The following FRMD6 variants were observed in gnomAD, a reference collection of about 807,000 sequenced individuals.
FRMD6 encodes FERM domain-containing protein 6.
Under a neutral mutation model 73.2 loss-of-function variants are expected in FRMD6, and 37 were observed. The observed-to-expected ratio is 0.51, with a 90% confidence interval of 0.39 to 0.66. FRMD6 has a LOEUF of 0.66. Ranked by LOEUF, FRMD6 falls within the 30% of genes least tolerant of loss-of-function variation. The pLI is 0.00. For missense variants in FRMD6, 714 were observed against 780.5 expected (o/e 0.91, Z 1.02); for synonymous variants, 273 against 282.2 (o/e 0.97, Z 0.33).
chr14:51,669,066 T>C (rs992525102), intron 1 of FRMD6, among the ~76,000 whole-genome samples: 1 of 152,248 alleles, frequency 6.6e-6, no homozygotes, highest in Non-Finnish European at 1.5e-5. Flanking sequence ...TATATCATCA[T>C]GTAACCAGCA....
intron 2 of FRMD6, chr14:51,637,730 T>A (rs1891636899): frequency 6.6e-6 from 1 of 152,162 alleles, no homozygotes; most frequent in Non-Finnish European, 1.5e-5. Context: ...AAGGATTTCA[T>A]TATAAAGTAG....
intron 5 of FRMD6, 67 bp downstream of exon 5, chr14:51,702,655 A>ACTTATTTGG: frequency 8.3e-7 from 1 of 1,210,646 alleles, no homozygotes; most frequent in Non-Finnish European, 1.2e-6. Flanking sequence ...AACATACCAA[A>ACTTATTTGG]TAAGTTACGT....
At chr14:51,427,699 A>G in the FRMD6 span, among the ~76,000 whole-genome samples, 1,848 of 152,340 alleles carry the variant, frequency 0.012, 48 homozygotes, top group African/African-American at 0.042. Flanking sequence ...AGATGTGAAC[A>G]TAAGTGAGCA....
At chr14:51,586,398 G>A (rs756259264) in intron 2 of FRMD6, among the ~76,000 whole-genome samples, 3 of 152,140 alleles carry the variant, frequency 2.0e-5, no homozygotes, top group Admixed American at 1.3e-4. Flanking sequence ...AAAAATGCCT[G>A]TTGATATCCT....
At chr14:51,587,443 G>A (rs1329917480) in intron 2 of FRMD6, among the ~76,000 whole-genome samples, 2 of 152,176 alleles carry the variant, frequency 1.3e-5, no homozygotes, top group African/African-American at 2.4e-5. Context: ...GTATGGCCGC[G>A]GTGGCTGGTG....
chr14:51,727,105 C>T (rs1898008305), intron 13 of FRMD6, among the ~76,000 whole-genome samples: 2 of 151,932 alleles, frequency 1.3e-5, no homozygotes, highest in Non-Finnish European at 1.5e-5. Context: ...GGAACTTAGT[C>T]CTGGTGCCTG....
chr14:51,525,618 A>G (rs1325054923), intron 1 of FRMD6, among the ~76,000 whole-genome samples: 1 of 152,028 alleles, frequency 6.6e-6, no homozygotes, highest in African/African-American at 2.4e-5. Context: ...AAGATGTTAT[A>G]CTTTTCACTG....
chr14:51,721,725 AGGAAGGGAGGGAGGAAGGAAGGG>A (rs1897598353), intron 11 of FRMD6, among the ~76,000 whole-genome samples: 2 of 129,886 alleles, frequency 1.5e-5, no homozygotes, highest in Non-Finnish European at 1.6e-5. Context: ...GAAGGGAGGG[AGGAAGGGAGGGAGGAAGGAAGGG>A]AGGAAGGAAG....
intron 1 of FRMD6, among the ~76,000 whole-genome samples, chr14:51,531,485 C>T (rs924377140): frequency 1.3e-5 from 2 of 152,114 alleles, no homozygotes; most frequent in Non-Finnish European, 2.9e-5. Flanking sequence ...CAACTAAATG[C>T]AATTTGGGAC....
At chr14:51,560,533 G>A (rs1416881093) in intron 1 of FRMD6, among the ~76,000 whole-genome samples, 4 of 152,184 alleles carry the variant, frequency 2.6e-5, no homozygotes, top group Admixed American at 6.5e-5. Flanking sequence ...TGCCCAGGCT[G>A]GTGTGCAATA....
At position 51,725,848 on chromosome 14, in the gene FRMD6, A is replaced by G. The variant is rs1897922474; in HGVS notation, c.1562A>G (p.Gln521Arg). Reference sequence around the variant, plus strand: ...GAAACAGTTGTTAAGCTTCGTGGCCAGAGTACTGATTCTCTTCCACAGGTA... The same window carrying G: ...GAAACAGTTGTTAAGCTTCGTGGCCGGAGTACTGATTCTCTTCCACAGGTA... The part of the protein sequence containing the change: ...SSETVVKLRG[Q>R]STDSLPQTIC... The change falls in exon 13 of 14, where the codon CAG becomes CGG. Residue 521 changes from glutamine (Q) to arginine (R), a missense_variant. Physicochemically the swap from Gln to Arg is conservative, Grantham distance 43. Coordinates refer to ENST00000344768, the MANE Select transcript of FRMD6 (RefSeq NM_001267046.2). 3 of 1,613,344 alleles carry G rather than the reference A, an allele frequency of 1.9e-6. No individual in the cohort carries two copies. Among genetic ancestry groups the G allele is most frequent in the Admixed American group, 3.3e-5 (2 of 59,998 alleles).
At position 51,696,985 on chromosome 14, in the gene FRMD6, A is replaced by T. The variant is rs960496407; in HGVS notation, c.100-1157A>T. Among the ~76,000 whole-genome samples, 3 of 152,202 alleles carry T rather than the reference A, an allele frequency of 2.0e-5. No homozygotes were observed. In the East Asian group the frequency reaches 5.8e-4, roughly 29 times the overall value. On this transcript the variant is annotated intron_variant, in intron 2 of 13. Coordinates refer to ENST00000344768, the MANE Select transcript of FRMD6 (RefSeq NM_001267046.2). ...AATGTGACATCTCACACCTGTTAGAATGGCTATTATCAAAAAGACAAAAGA... is the reference window on the plus strand; with the variant it reads ...AATGTGACATCTCACACCTGTTAGATTGGCTATTATCAAAAAGACAAAAGA...
At chr14:51,531,118 G>A (rs1885559290) in intron 1 of FRMD6, among the ~76,000 whole-genome samples, 1 of 152,144 alleles carries the variant, frequency 6.6e-6, no homozygotes. Flanking sequence ...GAGCCTTCAT[G>A]ACCTCACCTC....
chr14:51,562,935 C>T (rs1028485111), intron 1 of FRMD6, among the ~76,000 whole-genome samples: 8 of 152,180 alleles, frequency 5.3e-5, no homozygotes, highest in Admixed American at 1.3e-4. Context: ...CTTTGCACAA[C>T]GTCTGGGACC....
chr14:51,482,579 A>G, the FRMD6 span, among the ~76,000 whole-genome samples: 56 of 152,326 alleles, frequency 3.7e-4, 2 homozygotes, highest in East Asian at 0.01. Context: ...AAAAATTCTT[A>G]AAGTGGGAGA....
chr14:51,488,437 G>A (rs1882827264), upstream of FRMD6, among the ~76,000 whole-genome samples: 4 of 152,218 alleles, frequency 2.6e-5, no homozygotes, highest in Admixed American at 2.6e-4. Flanking sequence ...TTGGAAATCA[G>A]TTTAAGGGAT....
At position 51,708,707 on chromosome 14, in the gene FRMD6, GT is replaced by G. The variant is rs34563001; in HGVS notation, c.714+482del. Among the ~76,000 whole-genome samples the G allele has an allele frequency of 4.7e-4, 72 of 151,756 alleles. 1 individual carries two copies. The highest frequency in any genetic ancestry group is 1.5e-3 in the African/African-American group (63 of 41,346). Reference sequence around the variant, plus strand: ...TGTTTACTGGGCACACTTTATATGTGTTTTTTTTAATCCTCATAACTTTATA... The same window carrying G: ...TGTTTACTGGGCACACTTTATATGTGTTTTTTTAATCCTCATAACTTTATA... On this transcript the variant is annotated intron_variant, in intron 7 of 13. Transcript: ENST00000344768.
intron 2 of FRMD6, among the ~76,000 whole-genome samples, chr14:51,585,922 C>CGTGTGTGTGTGTGTGTGTGTGTGTGTGT (rs1461002719): frequency 2.8e-4 from 3 of 10,786 alleles, no homozygotes; most frequent in African/African-American, 4.7e-4. Flanking sequence ...TATGCCATGG[C>CGTGTGTGTGTGTGTGTGTGTGTGTGTGT]ATGTGTGTGT....
chr14:51,705,552 T>G (rs1408582605), intron 6 of FRMD6, among the ~76,000 whole-genome samples: 1 of 152,128 alleles, frequency 6.6e-6, no homozygotes, highest in African/African-American at 2.4e-5. Context: ...AGTGAGAACA[T>G]GCAAAACATG....
Sources: allele counts gnomAD v4.1 joint callset (sites outside exome capture counted in the v4.1 genomes callset), GRCh38; gene constraint gnomAD v4.1.1; transcripts MANE v1.5; gene names NCBI Gene and HGNC (gene_info 2026-07-23, HGNC 2026-07-21).